DIS3L2: variants seen among roughly 807,000 people sequenced by gnomAD.
DIS3L2 encodes the protein DIS3 like 3'-5' exoribonuclease 2, also known as DIS3-like exonuclease 2.
A neutral mutation model predicts 97.5 loss-of-function variants in DIS3L2; 34 were observed. That is an observed-to-expected ratio of 0.35 (90% confidence interval 0.27 to 0.46). The LOEUF is 0.46. DIS3L2 is among the 20% of genes least tolerant of loss of function. DIS3L2 has a pLI of 1.00. For missense variants in DIS3L2, 1,038 were observed against 1,146.0 expected (o/e 0.91, Z 1.36); for synonymous variants, 435 against 445.2 (o/e 0.98, Z 0.29).
intron 1 of DIS3L2, among the ~76,000 whole-genome samples, chr2:231,963,005 C>T (rs1397424049): frequency 1.3e-5 from 2 of 151,690 alleles, no homozygotes; most frequent in East Asian, 1.9e-4. Flanking sequence ...AGGTTGATTC[C>T]GTGTGTTTGC....
rs188131344 is a variant in DIS3L2 at position 232,244,123 on chromosome 2, T to C, written c.1318-5116T>C. On this transcript the variant is annotated intron_variant, in intron 11 of 20. Transcript: ENST00000325385. ...ACTTCAGAATTGTCACTGGTTTTTA[T>C]CTGAGAGAGGAAGAGAGACATATCC... 4.1e-3 allele frequency among the ~76,000 whole-genome samples: 620 copies of C among 152,336 alleles called. 5 individuals are homozygous for C. The highest frequency in any genetic ancestry group is 6.5e-3 in the Non-Finnish European group (439 of 68,030).
chr2:232,332,794 G>GGGGA, intron 16 of DIS3L2, among the ~76,000 whole-genome samples: 1 of 152,234 alleles, frequency 6.6e-6, no homozygotes, highest in Non-Finnish European at 1.5e-5. Flanking sequence ...GTATTGGCGA[G>GGGGA]CACAGAGGTG....
intron 5 of DIS3L2, among the ~76,000 whole-genome samples, chr2:232,068,853 C>CT (rs1559593124): frequency 6.6e-6 from 1 of 152,024 alleles, no homozygotes; most frequent in African/African-American, 2.4e-5. Flanking sequence ...CAGTCTCACT[C>CT]TGTCAGTCAG....
At chr2:232,001,200 A>C (rs1481612406) in intron 1 of DIS3L2, among the ~76,000 whole-genome samples, 1 of 152,154 alleles carries the variant, frequency 6.6e-6, no homozygotes, top group African/African-American at 2.4e-5. Context: ...CTTGCTCCAC[A>C]TCCTTGCTAA....
At position 232,157,708 on chromosome 2, in the gene DIS3L2, C is replaced by T. The variant is rs145675771; in HGVS notation, c.951-5751C>T. 3.5e-3 allele frequency among the ~76,000 whole-genome samples: 526 copies of T among 152,288 alleles called. 3 individuals carry two copies. Among genetic ancestry groups the T allele is most frequent in the African/African-American group, 0.012 (495 of 41,538 alleles). On this transcript the variant is annotated intron_variant, in intron 8 of 20. Transcript: ENST00000325385. ...GTGAAGTAGTTGGGGGTCCTCCTGGCATGGCTGTGTATCAGGTGCTCAGAG... is the reference window on the plus strand; with the variant it reads ...GTGAAGTAGTTGGGGGTCCTCCTGGTATGGCTGTGTATCAGGTGCTCAGAG...
chr2:232,284,666 G>A (rs72998153), intron 13 of DIS3L2, among the ~76,000 whole-genome samples: 1,812 of 152,216 alleles, frequency 0.012, 16 homozygotes, highest in Non-Finnish European at 0.017. Flanking sequence ...TCTTTGCCCC[G>A]GGAGAGCTAA....
rs551320124 is a variant in DIS3L2, at chr2:232,305,889, A to G, written c.1739+5770A>G. Among the ~76,000 whole-genome samples the G allele has an allele frequency of 2.6e-5, 4 of 152,120 alleles. No homozygotes were observed. The South Asian group carries it at 8.3e-4, about 32-fold the overall frequency. ...AGAGTCACTTGAGCCCAGGAGGCAG[A>G]GGATGCAATGAGCTGAGATCGTGCC... On this transcript the variant is annotated intron_variant, in intron 14 of 20. Coordinates refer to ENST00000325385, the MANE Select transcript of DIS3L2 (RefSeq NM_152383.5).
At chr2:232,105,347 T>C (rs1051985561) in intron 6 of DIS3L2, among the ~76,000 whole-genome samples, 6 of 152,212 alleles carry the variant, frequency 3.9e-5, no homozygotes, top group African/African-American at 1.4e-4. Flanking sequence ...GGGATTTTTG[T>C]TGGTTATTAA....
intron 5 of DIS3L2, among the ~76,000 whole-genome samples, chr2:232,055,374 A>AT (rs1695519582): frequency 1.3e-5 from 2 of 152,306 alleles, no homozygotes; most frequent in East Asian, 3.9e-4. Context: ...AATTATTTGC[A>AT]TTTCTATATA....
chr2:232,215,934 C>G (rs1008494382), intron 10 of DIS3L2, among the ~76,000 whole-genome samples: 1 of 152,194 alleles, frequency 6.6e-6, no homozygotes, highest in Non-Finnish European at 1.5e-5. Context: ...TTCCTGGGCT[C>G]TTTTCTCACC....
intron 1 of DIS3L2, among the ~76,000 whole-genome samples, chr2:231,975,553 AAGTT>A (rs1185442307): frequency 6.6e-6 from 1 of 151,630 alleles, no homozygotes; most frequent in Non-Finnish European, 1.5e-5. Context: ...AAATGCAAAA[AAGTT>A]AGCCAGGCGT....
intron 10 of DIS3L2, 34 bp from the exon 11 acceptor site, chr2:232,238,499 C>T (rs552086273): frequency 3.1e-5 from 49 of 1,582,616 alleles, no homozygotes; most frequent in African/African-American, 5.4e-5. Context: ...TGGCCTTCCA[C>T]GCCAGCCTGA....
At chr2:232,163,336 T>C in intron 8 of DIS3L2, 123 bp from the exon 9 acceptor site, 1 of 906,666 alleles carries the variant, frequency 1.1e-6, no homozygotes, top group Non-Finnish European at 1.7e-6. Context: ...GATGATCATG[T>C]TTCTACTGGT....
intron 5 of DIS3L2, among the ~76,000 whole-genome samples, chr2:232,075,426 C>T (rs188587387): frequency 1.6e-4 from 24 of 152,286 alleles, no homozygotes; most frequent in Admixed American, 2.6e-4. Flanking sequence ...CTACTTTGCT[C>T]ACTCCTATTC....
chr2:232,253,301 G>A (rs1204193172), intron 12 of DIS3L2, among the ~76,000 whole-genome samples: 1 of 152,196 alleles, frequency 6.6e-6, no homozygotes, highest in Non-Finnish European at 1.5e-5. Context: ...TACCCACGAG[G>A]GCTTTTGTGC....
chr2:232,326,422 C>T (rs1695577075), intron 14 of DIS3L2, among the ~76,000 whole-genome samples: 2 of 152,310 alleles, frequency 1.3e-5, no homozygotes, highest in South Asian at 2.1e-4. Flanking sequence ...TTTCTGTCCC[C>T]AAACTCCACT....
intron 5 of DIS3L2, among the ~76,000 whole-genome samples, chr2:232,077,672 T>C (rs1437373667): frequency 6.6e-6 from 1 of 152,224 alleles, no homozygotes; most frequent in Non-Finnish European, 1.5e-5. Context: ...GAGATTAGAC[T>C]AAATCTCCAA....
intron 1 of DIS3L2, among the ~76,000 whole-genome samples, chr2:231,967,910 ATTGAT>A (rs1330670613): frequency 1.3e-5 from 2 of 152,132 alleles, no homozygotes; most frequent in African/African-American, 4.8e-5. Context: ...AATTTATTTG[ATTGAT>A]TTAAGACTGA....
At chr2:232,135,515 G>A (rs180977801) in intron 7 of DIS3L2, among the ~76,000 whole-genome samples, 10 of 152,298 alleles carry the variant, frequency 6.6e-5, no homozygotes, top group Admixed American at 5.9e-4. Flanking sequence ...ACAGCAGTTT[G>A]TTTAAAATAG....
Sources: gnomAD v4.1 joint callset for allele counts (sites outside exome capture counted in the v4.1 genomes callset) on GRCh38, gnomAD v4.1.1 for gene constraint, MANE v1.5 for transcripts, NCBI Gene and HGNC (gene_info 2026-07-23, HGNC 2026-07-21) for gene names.